Variants in LGR5 observed in about 807,000 individuals in gnomAD.
LGR5 encodes the protein leucine-rich repeat-containing G protein-coupled receptor 5.
Under a neutral mutation model 76.7 loss-of-function variants are expected in LGR5, and 54 were observed. The ratio of observed to expected loss-of-function variants is 0.70; its 90% confidence interval spans 0.57 to 0.88. The LOEUF (loss-of-function observed/expected upper bound fraction) is 0.88. LGR5 is among the 40% of genes least tolerant of loss of function. LGR5 has a pLI of 0.00. For synonymous variants in LGR5, 406 were observed against 421.9 expected (o/e 0.96, Z 0.46); for missense variants, 1,078 against 1,073.3 (o/e 1.00, Z -0.06).
chr12:71,577,979 G>T lies in LGR5; in HGVS notation c.1263G>T (p.Leu421Phe), dbSNP rs1443220054. The T allele has an allele frequency of 1.2e-6, 2 of 1,612,328 alleles. No individual in the cohort carries two copies. Among genetic ancestry groups the T allele is most frequent in the African/African-American group, 2.7e-5 (2 of 74,842 alleles). ...TTCACCCCAATGCATTTTCCACTTT[G>T]CCATCCCTAATAAAGCTGTGAGTAT... ...AIIHPNAFST[L>F]PSLIKLDLSS... Residue 421 changes from leucine to phenylalanine, a missense_variant, in exon 14 of 18, where the codon TTG becomes TTT. Coordinates refer to ENST00000266674, the MANE Select transcript of LGR5 (RefSeq NM_003667.4).
chr12:71,556,853 C>A (rs940310015), intron 6 of LGR5, among the ~76,000 whole-genome samples, 163 bp downstream of exon 6: 1 of 152,128 alleles, frequency 6.6e-6, no homozygotes. Flanking sequence ...CCCCACAGAG[C>A]TAAACAATAA....
intron 1 of LGR5, among the ~76,000 whole-genome samples, chr12:71,476,765 G>A (rs1271647805): frequency 6.6e-6 from 1 of 152,104 alleles, no homozygotes; most frequent in African/African-American, 2.4e-5. Context: ...GAAATCTGTT[G>A]GGAACTAAGT....
intron 1 of LGR5, among the ~76,000 whole-genome samples, chr12:71,442,554 AG>A (rs1311984830): frequency 6.6e-6 from 1 of 152,242 alleles, no homozygotes; most frequent in Non-Finnish European, 1.5e-5. Flanking sequence ...AACACAGTTC[AG>A]GGAATATGAG....
At chr12:71,527,745 A>G (rs1286986979) in intron 3 of LGR5, among the ~76,000 whole-genome samples, 3 of 152,246 alleles carry the variant, frequency 2.0e-5, no homozygotes, top group Non-Finnish European at 4.4e-5. Context: ...ATTAAGTTTC[A>G]ACATGAATTT....
chr12:71,458,223 CT>C (rs1361719372), intron 1 of LGR5, among the ~76,000 whole-genome samples: 1 of 151,988 alleles, frequency 6.6e-6, no homozygotes, highest in Non-Finnish European at 1.5e-5. Flanking sequence ...AACTTAATTG[CT>C]TTTTTGGCTA....
chr12:71,498,569 T>C (rs1874440511), intron 1 of LGR5, among the ~76,000 whole-genome samples: 1 of 152,212 alleles, frequency 6.6e-6, no homozygotes, highest in Non-Finnish European at 1.5e-5. Context: ...AGCCCTCTCA[T>C]GTCTCTTTTT....
intron 13 of LGR5, chr12:71,573,167 C>T (rs1247724019): frequency 5.4e-6 from 2 of 371,216 alleles, no homozygotes; most frequent in South Asian, 5.5e-5. Context: ...GGAAGCTAAG[C>T]TGTTGACTAG....
At chr12:71,490,129 C>CAAAA (rs34971565) in intron 1 of LGR5, among the ~76,000 whole-genome samples, 31 of 140,890 alleles carry the variant, frequency 2.2e-4, no homozygotes, top group African/African-American at 7.3e-4. Context: ...GACCCAGCCT[C>CAAAA]AAAAAAAAAA....
chr12:71,495,078 C>CG lies in LGR5; in HGVS notation c.213-9528dup, dbSNP rs895056599. On this transcript the variant is annotated intron_variant, in intron 1 of 17. Coordinates refer to ENST00000266674, the MANE Select transcript of LGR5 (RefSeq NM_003667.4). The stretch of plus-strand genomic sequence containing the variant: ...ATGGCCCAAGGATTTGGGGCGTAGT[C>CG]GGGGGGGGTCTCCTTTGAATCCCAC... Among the ~76,000 whole-genome samples the CG allele has an allele frequency of 1.7e-4, 25 of 148,262 alleles. No individual in the cohort carries two copies. In the South Asian group the frequency reaches 1.7e-3, roughly 10 times the overall value.
chr12:71,543,066 T>TAC lies in LGR5; in HGVS notation c.428+7881_428+7882dup, dbSNP rs145884106. Among the ~76,000 whole-genome samples, 78 of 152,182 alleles carry TAC rather than the reference T, an allele frequency of 5.1e-4. No individual in the cohort carries two copies. In the East Asian group the frequency reaches 0.012, roughly 23 times the overall value. On this transcript the variant is annotated intron_variant, in intron 4 of 17. Transcript: ENST00000266674. ...CTAGGACAAAGAAAGCACTAGGACA[T>TAC]ACGTATCAGACTGAACTGAAACCTC...
Position 71,584,566 on chromosome 12 carries a change from T to G in LGR5, c.2556T>G (p.Ile852Met). ...TRSKHPSLMS[I>M]NSDDVEKQSC... is the part of the protein sequence containing the mutation. ...CAAAACACCCAAGCTTGATGTCAATTAACTCTGATGATGTCGAAAAACAGT... is the reference window on the plus strand; with the variant it reads ...CAAAACACCCAAGCTTGATGTCAATGAACTCTGATGATGTCGAAAAACAGT... Residue 852 changes from isoleucine (I) to methionine (M), a missense_variant, in exon 18 of 18, where the codon ATT (isoleucine) becomes ATG (methionine). Ile to Met is a conservative substitution (Grantham distance 10). Transcript: ENST00000266674. The G allele has an allele frequency of 6.2e-7, 1 of 1,614,090 alleles. No individual in the cohort carries two copies. The highest frequency in any genetic ancestry group is 8.5e-7 in the Non-Finnish European group (1 of 1,180,020).
At chr12:71,537,519 A>G (rs576664885) in intron 4 of LGR5, among the ~76,000 whole-genome samples, 10 of 152,204 alleles carry the variant, frequency 6.6e-5, no homozygotes, top group Admixed American at 5.9e-4. Flanking sequence ...TGATAAACAT[A>G]GGCTGAACCA....
At chr12:71,580,225 TTTAA>T in intron 15 of LGR5, 49 bp from the exon 16 acceptor site, 1 of 1,510,270 alleles carries the variant, frequency 6.6e-7, no homozygotes, top group Non-Finnish European at 9.0e-7. Context: ...GAACACTATA[TTTAA>T]TTATCCGTTT....
intron 2 of LGR5, among the ~76,000 whole-genome samples, chr12:71,518,962 A>G (rs1008495448): frequency 5.9e-5 from 9 of 152,202 alleles, no homozygotes; most frequent in Non-Finnish European, 8.8e-5. Context: ...ACAAACCTGC[A>G]TATGTACCCT....
chr12:71,486,834 A>G (rs1435215396), intron 1 of LGR5, among the ~76,000 whole-genome samples: 1 of 152,172 alleles, frequency 6.6e-6, no homozygotes, highest in Non-Finnish European at 1.5e-5. Flanking sequence ...TGAGAAAAAA[A>G]AAAAGAGGGG....
At chr12:71,500,428 G>C (rs143016822) in intron 1 of LGR5, among the ~76,000 whole-genome samples, 3 of 151,790 alleles carry the variant, frequency 2.0e-5, no homozygotes, top group Non-Finnish European at 4.4e-5. Context: ...AAAATCCTGG[G>C]GATGAAACTT....
rs571721580 is a variant in LGR5, at chr12:71,568,852, G to A, written c.1070+1940G>A. Among the ~76,000 whole-genome samples, 44 of 152,100 alleles carry A rather than the reference G, an allele frequency of 2.9e-4. 1 individual carries two copies. Among genetic ancestry groups the A allele is most frequent in the Admixed American group, 2.0e-3 (31 of 15,258 alleles). ...TTTCACTGTACATGACTAGTTTTGC[G>A]TCATGTGCATGGGAATTATTTAGCC... On this transcript the variant is annotated intron_variant, in intron 11 of 17. Transcript: ENST00000266674.
chr12:71,508,626 C>T (rs912835810), intron 2 of LGR5, among the ~76,000 whole-genome samples: 1 of 151,694 alleles, frequency 6.6e-6, no homozygotes, highest in Non-Finnish European at 1.5e-5. Flanking sequence ...TTGTGGCGCG[C>T]GCCTGTAGTT....
chr12:71,504,341 T>C (rs1231830075), intron 1 of LGR5, among the ~76,000 whole-genome samples: 1 of 152,160 alleles, frequency 6.6e-6, no homozygotes, highest in African/African-American at 2.4e-5. Context: ...AATTTAAGCA[T>C]AAAGAATTAC....
Sources: allele counts gnomAD v4.1 joint callset (sites outside exome capture counted in the v4.1 genomes callset), GRCh38; gene constraint gnomAD v4.1.1; transcripts MANE v1.5; gene names NCBI Gene and HGNC (gene_info 2026-07-23, HGNC 2026-07-21).